MAGI2: variants seen among roughly 807,000 people sequenced by gnomAD.
The protein encoded by MAGI2 is membrane-associated guanylate kinase, WW and PDZ domain-containing protein 2.
In MAGI2, 35 loss-of-function variants were observed where a neutral mutation model predicts 133.3. The observed-to-expected ratio is 0.26, with a 90% CI of 0.20 to 0.35. The LOEUF (loss-of-function observed/expected upper bound fraction) is 0.35, where lower values mean the gene tolerates loss of function less well. MAGI2 is among the 10% of genes least tolerant of loss of function. The pLI is 1.00. For synonymous variants in MAGI2, 729 were observed against 710.6 expected (o/e 1.03, Z -0.41); for missense variants, 1,636 against 1,863.4 (o/e 0.88, Z 2.25).
At chr7:78,495,701 T>C (rs2150507847) in intron 5 of MAGI2, among the ~76,000 whole-genome samples, 1 of 152,316 alleles carries the variant, frequency 6.6e-6, no homozygotes, top group South Asian at 2.1e-4. Context: ...TCCTACAATT[T>C]CTCTTAAGCA....
At position 78,310,116 on chromosome 7, in the gene MAGI2, C is replaced by A. The variant is rs1798573659; in HGVS notation, c.1408+33662G>T. Among the ~76,000 whole-genome samples, 3 of 151,998 alleles carry A rather than the reference C, an allele frequency of 2.0e-5. 1 individual carries two copies. In the South Asian group the frequency reaches 6.2e-4, roughly 32 times the overall value. ...ATTAAAATAAGTTTTTTATTTTATG[C>A]AGTTACATTTTCAATATATATTTTA... On this transcript the variant is annotated intron_variant, in intron 9 of 21. Transcript: ENST00000354212.
chr7:79,085,606 C>A (rs934062320), intron 1 of MAGI2, among the ~76,000 whole-genome samples: 11 of 151,874 alleles, frequency 7.2e-5, no homozygotes, highest in African/African-American at 2.7e-4. Context: ...AATGCACCAA[C>A]TCTAGAAGTC....
At chr7:79,300,127 G>A (rs1016917732) in intron 1 of MAGI2, among the ~76,000 whole-genome samples, 1 of 152,122 alleles carries the variant, frequency 6.6e-6, no homozygotes, top group African/African-American at 2.4e-5. Context: ...TGAGAAGTGA[G>A]GCATTACTAT....
At chr7:78,700,278 G>A (rs958747939) in intron 2 of MAGI2, among the ~76,000 whole-genome samples, 1 of 152,104 alleles carries the variant, frequency 6.6e-6, no homozygotes, top group African/African-American at 2.4e-5. Context: ...TCCAATCTGT[G>A]TTTGCCCATT....
intron 2 of MAGI2, among the ~76,000 whole-genome samples, chr7:78,978,027 T>C (rs900808027): frequency 2.0e-5 from 3 of 150,404 alleles, no homozygotes; most frequent in African/African-American, 5.0e-5. Flanking sequence ...ACAGTAACAA[T>C]TGTCAGCAAA....
At chr7:78,046,309 G>T (rs1202145631) in intron 21 of MAGI2, among the ~76,000 whole-genome samples, 1 of 151,756 alleles carries the variant, frequency 6.6e-6, no homozygotes, top group African/African-American at 2.4e-5. Flanking sequence ...GGCTGAGGCA[G>T]CAGAATCGCT....
intron 11 of MAGI2, among the ~76,000 whole-genome samples, chr7:78,200,799 T>C (rs1829181857): frequency 6.6e-6 from 1 of 152,214 alleles, no homozygotes; most frequent in Non-Finnish European, 1.5e-5. Context: ...TCAAGACTTC[T>C]GGACCTATAG....
At chr7:78,266,462 CA>C (rs1405406065) in intron 9 of MAGI2, among the ~76,000 whole-genome samples, 2 of 150,906 alleles carry the variant, frequency 1.3e-5, no homozygotes, top group Non-Finnish European at 3.0e-5. Context: ...CTTGGCCTCC[CA>C]AAATTGTGCG....
chr7:78,641,118 T>G (rs372818157), intron 2 of MAGI2, among the ~76,000 whole-genome samples: 79 of 152,328 alleles, frequency 5.2e-4, no homozygotes, highest in South Asian at 5.0e-3. Flanking sequence ...CCTTCCGACA[T>G]GATTGTAAGT....
chr7:78,660,753 C>T (rs1243607996), intron 2 of MAGI2, among the ~76,000 whole-genome samples: 2 of 152,200 alleles, frequency 1.3e-5, no homozygotes, highest in Non-Finnish European at 2.9e-5. Flanking sequence ...AATACATTAA[C>T]ATGCCCTAAT....
intron 2 of MAGI2, among the ~76,000 whole-genome samples, chr7:78,687,869 C>T (rs560680299): frequency 6.9e-5 from 10 of 145,522 alleles, no homozygotes; most frequent in Middle Eastern, 7.3e-3. Context: ...ACTCGGGAGG[C>T]GAAGGCAGGA....
intron 3 of MAGI2, among the ~76,000 whole-genome samples, chr7:78,545,153 A>T (rs1291643537): frequency 6.6e-6 from 1 of 151,662 alleles, no homozygotes; most frequent in South Asian, 2.1e-4. Context: ...TGAAATTATA[A>T]GTCTTCAGCA....
chr7:78,634,728 GTAA>G (rs1809445991), intron 2 of MAGI2, among the ~76,000 whole-genome samples: 1 of 152,120 alleles, frequency 6.6e-6, no homozygotes, highest in African/African-American at 2.4e-5. Context: ...AGACTCAACA[GTAA>G]TAACAAGTAA....
chr7:78,590,453 T>A (rs1297824534), intron 3 of MAGI2, among the ~76,000 whole-genome samples: 1 of 152,058 alleles, frequency 6.6e-6, no homozygotes, highest in Non-Finnish European at 1.5e-5. Flanking sequence ...ATTGGGAAAA[T>A]TTTTCACATT....
chr7:78,406,691 A>G (rs186587850), intron 6 of MAGI2, among the ~76,000 whole-genome samples: 12 of 152,178 alleles, frequency 7.9e-5, no homozygotes, highest in Admixed American at 5.9e-4. Context: ...GTCAGCTACC[A>G]TGATAGATTC....
At chr7:78,841,833 A>C (rs17151577) in intron 2 of MAGI2, among the ~76,000 whole-genome samples, 9,504 of 151,898 alleles carry the variant, frequency 0.063, 407 homozygotes, top group East Asian at 0.21. Context: ...CCTTTAGGTC[A>C]CAGCTTAAAC....
chr7:78,223,230 T>C (rs1789009661), intron 10 of MAGI2, among the ~76,000 whole-genome samples: 1 of 152,190 alleles, frequency 6.6e-6, no homozygotes, highest in African/African-American at 2.4e-5. Context: ...TTAGGAAGAT[T>C]AGAAAAACAT....
At chr7:78,928,348 G>A (rs1198743762) in intron 2 of MAGI2, among the ~76,000 whole-genome samples, 1 of 151,768 alleles carries the variant, frequency 6.6e-6, no homozygotes, top group African/African-American at 2.4e-5. Context: ...TTAATTATGG[G>A]ATTGTTTGAC....
At chr7:79,140,214 T>C (rs1821987748) in intron 1 of MAGI2, among the ~76,000 whole-genome samples, 1 of 152,204 alleles carries the variant, frequency 6.6e-6, no homozygotes, top group Admixed American at 6.5e-5. Context: ...TGTGGAGAAA[T>C]GGTATGGTCC....
Sources: gnomAD v4.1 joint callset for allele counts (sites outside exome capture counted in the v4.1 genomes callset) on GRCh38, gnomAD v4.1.1 for gene constraint, MANE v1.5 for transcripts, NCBI Gene and HGNC (gene_info 2026-07-23, HGNC 2026-07-21) for gene names.